Variants in GTF2A2 observed in about 807,000 individuals in gnomAD.
GTF2A2 encodes the protein transcription initiation factor IIA subunit 2.
In GTF2A2, 9 loss-of-function variants were observed where a neutral mutation model predicts 14.3. The ratio of observed to expected loss-of-function variants is 0.63; its 90% confidence interval spans 0.38 to 1.10. The LOEUF (loss-of-function observed/expected upper bound fraction) is 1.10. GTF2A2 is among the 50% of genes least tolerant of loss of function. GTF2A2 has a pLI of 0.01. For synonymous variants in GTF2A2, 56 were observed against 46.0 expected (o/e 1.22, Z -0.88); for missense variants, 90 against 124.6 (o/e 0.72, Z 1.32).
At chr15:59,642,057 T>C in intron 4 of GTF2A2, 79 bp downstream of exon 4, 1 of 1,313,566 alleles carries the variant, frequency 7.6e-7, no homozygotes, top group South Asian at 1.5e-5. Context: ...GTTAGGCTTT[T>C]CATATGGATG....
intron 4 of GTF2A2, among the ~76,000 whole-genome samples, chr15:59,641,876 G>A (rs1333538845): frequency 6.6e-6 from 1 of 152,138 alleles, no homozygotes; most frequent in African/African-American, 2.4e-5. Context: ...TGGAAATAGG[G>A]AACAAATGCT....
At chr15:59,649,557 A>C (rs1225601056) in intron 3 of GTF2A2, among the ~76,000 whole-genome samples, 2 of 152,174 alleles carry the variant, frequency 1.3e-5, no homozygotes, top group African/African-American at 4.8e-5. Flanking sequence ...AAAAAACACA[A>C]ACTAATTTTG....
intron 4 of GTF2A2, among the ~76,000 whole-genome samples, 169 bp from the exon 5 acceptor site, chr15:59,639,326 C>CAGTA (rs1891304947): frequency 6.6e-6 from 1 of 151,950 alleles, no homozygotes; most frequent in African/African-American, 2.4e-5. Context: ...TGTTGAACTT[C>CAGTA]AGTAAGTTTC....
chr15:59,652,688 T>G (rs1376946903), intron 1 of GTF2A2, among the ~76,000 whole-genome samples: 1 of 152,208 alleles, frequency 6.6e-6, no homozygotes, highest in Non-Finnish European at 1.5e-5. Flanking sequence ...TGTTTGCATG[T>G]CTGCCCCTTT....
chr15:59,649,930 T>C (rs1181353980), intron 3 of GTF2A2, among the ~76,000 whole-genome samples: 2 of 152,218 alleles, frequency 1.3e-5, no homozygotes, highest in East Asian at 3.8e-4. Flanking sequence ...TATTTTAACC[T>C]TCTTTTGACT....
At chr15:59,650,806 A>G (rs1206762121) in intron 2 of GTF2A2, 33 bp from the exon 3 acceptor site, 1 of 1,111,756 alleles carries the variant, frequency 9.0e-7, no homozygotes, top group South Asian at 1.3e-5. Flanking sequence ...AATCCCGTTA[A>G]GGAAGAACAT....
In GTF2A2 at chr15:59,642,745, T is replaced by C. The variant is rs113451021; in HGVS notation, c.178-483A>G. 6.0e-4 allele frequency among the ~76,000 whole-genome samples: 92 copies of C among 152,220 alleles called. 3 individuals are homozygous for C. The highest frequency in any genetic ancestry group is 2.0e-4 in the Admixed American group (3 of 15,278). ...TAAGACTACAACATTCATTGTCTTG[T>C]GCAACTTATAATTTTTTATACGTTT... On this transcript the variant is annotated intron_variant, in intron 3 of 4. Coordinates refer to ENST00000396060, the MANE Select transcript of GTF2A2 (RefSeq NM_004492.3).
At position 59,639,171 on chromosome 15, in the gene GTF2A2, GAGAA is replaced by G. The variant is rs869281734; in HGVS notation, c.305-18_305-15del. 1 of 1,429,292 alleles carries G rather than the reference GAGAA, an allele frequency of 7.0e-7. No homozygotes were observed. Among genetic ancestry groups the G allele is most frequent in the African/African-American group, 1.4e-5 (1 of 69,570 alleles). 88.5% of individuals were successfully genotyped at this position (1,429,292 alleles called of 1,614,324 possible). A position where few individuals can be genotyped will look rare whatever the true frequency, so the allele number is the denominator to read the frequency against. On this transcript the variant is annotated splice_polypyrimidine_tract_variant and intron_variant, in intron 4 of 4. Coordinates refer to ENST00000396060, the MANE Select transcript of GTF2A2 (RefSeq NM_004492.3). Reference sequence around the variant, plus strand: ...TGGAGCCAGTATCTAGGAAACAAAAGAGAAAGTAAAGTAAAGTAAATTCAAGGAG... The same window carrying G: ...TGGAGCCAGTATCTAGGAAACAAAAGAGTAAAGTAAAGTAAATTCAAGGAG...
At position 59,639,070 on chromosome 15, in the gene GTF2A2, A is replaced by G. The variant is rs1338541538; in HGVS notation, c.*62T>C. Reference sequence around the variant, plus strand: ...CTAGAATAAATAAAAAGTCTCTTCTATGCTTCTCTTCAAAAGCAATGAATA... The same window carrying G: ...CTAGAATAAATAAAAAGTCTCTTCTGTGCTTCTCTTCAAAAGCAATGAATA... On this transcript the variant is annotated 3_prime_UTR_variant, in exon 5 of 5. Transcript: ENST00000396060. The G allele has an allele frequency of 7.5e-6, 7 of 937,072 alleles. No individual in the cohort carries two copies. The highest frequency in any genetic ancestry group is 6.5e-5 in the African/African-American group (4 of 61,186). The allele number at this position is 937,072 out of a possible 1,614,324, so 58.0% of individuals were successfully genotyped here.
chr15:59,644,157 A>G (rs1249880603), intron 3 of GTF2A2: 1 of 152,252 alleles, frequency 6.6e-6, no homozygotes, highest in Non-Finnish European at 1.5e-5. Flanking sequence ...GGCCTCCCAA[A>G]GTGCTGGGAT....
In GTF2A2 at chr15:59,642,025, T is replaced by C. The variant is rs896328717; in HGVS notation, c.304+111A>G. ...TAAAAGCCTGGGCTTATCTGGGAAT[T>C]GATCATAGGGCCATTTTACCCGTTA... On this transcript the variant is annotated intron_variant, in intron 4 of 4. Coordinates refer to ENST00000396060, the MANE Select transcript of GTF2A2 (RefSeq NM_004492.3). 1.8e-5 allele frequency: 15 copies of C among 848,262 alleles called. No homozygotes were observed. The African/African-American group carries it at 2.6e-4, about 15-fold the overall frequency. The allele number at this position is 848,262 out of a possible 1,614,324, so 52.5% of individuals were successfully genotyped here.
chr15:59,642,673 A>C (rs1891470042), intron 3 of GTF2A2, among the ~76,000 whole-genome samples: 1 of 152,230 alleles, frequency 6.6e-6, no homozygotes, highest in Non-Finnish European at 1.5e-5. Context: ...AGAAACACTA[A>C]ATTTTAATCC....
At chr15:59,642,096 G>A (rs768797460) in intron 4 of GTF2A2, 40 bp downstream of exon 4, 2 of 1,551,902 alleles carry the variant, frequency 1.3e-6, no homozygotes, top group Admixed American at 4.0e-5. Context: ...ATAAAAACAA[G>A]GTTTCAAGTA....
chr15:59,645,862 C>G (rs1009489262), intron 3 of GTF2A2, among the ~76,000 whole-genome samples: 1 of 151,778 alleles, frequency 6.6e-6, no homozygotes, highest in African/African-American at 2.4e-5. Flanking sequence ...TAGTGAAACC[C>G]CGTCTCTACG....
intron 3 of GTF2A2, among the ~76,000 whole-genome samples, chr15:59,645,149 C>T (rs190674942): frequency 7.2e-5 from 11 of 152,226 alleles, no homozygotes; most frequent in African/African-American, 2.6e-4. Context: ...AAGTTTCTGA[C>T]TTGAATGTCA....
rs1891763172 is a variant in GTF2A2 at position 59,650,668 on chromosome 15, C to A, written c.177+1G>T. 1.3e-6 allele frequency: 2 copies of A among 1,525,480 alleles called. No individual in the cohort carries two copies. The highest frequency in any genetic ancestry group is 1.1e-5 in the South Asian group (1 of 89,046). 94.5% of individuals were successfully genotyped at this position (1,525,480 alleles called of 1,614,324 possible). ...TTCTAGATTCAGGAAAATATCCTTACCCTGAAATTGACTCTGTTCCTGACC... is the reference window on the plus strand; with the variant it reads ...TTCTAGATTCAGGAAAATATCCTTAACCTGAAATTGACTCTGTTCCTGACC... On this transcript the variant is annotated splice_donor_variant, in intron 3 of 4. Transcript: ENST00000396060. LOFTEE classifies it high-confidence loss of function.
chr15:59,654,702 A>C (rs959771942), intron 1 of GTF2A2, among the ~76,000 whole-genome samples: 1 of 152,206 alleles, frequency 6.6e-6, no homozygotes, highest in Non-Finnish European at 1.5e-5. Flanking sequence ...AATGTATCTG[A>C]GTATGACACA....
At chr15:59,648,957 A>C (rs1210936875) in intron 3 of GTF2A2, among the ~76,000 whole-genome samples, 1 of 151,728 alleles carries the variant, frequency 6.6e-6, no homozygotes, top group Admixed American at 6.6e-5. Flanking sequence ...AAAAACAAAC[A>C]AAAAAAACTA....
At chr15:59,640,034 A>AGCCACTGCACCTGGCCTACTGTCC (rs1891351034) in intron 4 of GTF2A2, 1 of 152,422 alleles carries the variant, frequency 6.6e-6, no homozygotes, top group Non-Finnish European at 1.5e-5. Context: ...TACAGGCGTG[A>AGCCACTGCACCTGGCCTACTGTCC]GCCACTGCAC....
Sources: gnomAD v4.1 joint callset for allele counts (sites outside exome capture counted in the v4.1 genomes callset) on GRCh38, gnomAD v4.1.1 for gene constraint, MANE v1.5 for transcripts, NCBI Gene and HGNC (gene_info 2026-07-23, HGNC 2026-07-21) for gene names.